The following POTEC variants were observed in gnomAD, a reference collection of about 807,000 sequenced individuals.
POTEC encodes the protein ANKRD26-like family B member 2.
A neutral mutation model predicts 62.0 loss-of-function variants in POTEC; 35 were observed. That is an observed-to-expected ratio of 0.56 (90% confidence interval 0.43 to 0.75). The LOEUF is 0.75. POTEC is among the 30% of genes least tolerant of loss of function. POTEC has a pLI of 0.00. For synonymous variants in POTEC, 156 were observed against 221.5 expected, an observed-to-expected ratio of 0.70 and a Z score of 2.62; for missense variants, 472 against 655.9, an observed-to-expected ratio of 0.72 and a Z score of 3.06.
chr18:14,537,206 CACACA>C (rs1163697331), intron 3 of POTEC, among the ~76,000 whole-genome samples: 20 of 76,864 alleles, frequency 2.6e-4, no homozygotes, highest in African/African-American at 1.5e-3. Flanking sequence ...CACACACACA[CACACA>C]AAAAAAAAAA....
chr18:14,515,014 T>C (rs1416104168), intron 9 of POTEC, among the ~76,000 whole-genome samples: 4 of 152,150 alleles, frequency 2.6e-5, no homozygotes, highest in African/African-American at 9.7e-5. Flanking sequence ...GAGTCATCTA[T>C]CAAAGGATAA....
rs1248079321 is a variant in POTEC at position 14,509,255 on chromosome 18, G to T, written c.*2643C>A. ...TGTGTGTGCTGTTGCACTGGAGGTA[G>T]TGCTGGTTTGGGGTGGGTGGCTGGC... On this transcript the variant is annotated 3_prime_UTR_variant, in exon 11 of 11. Transcript: ENST00000358970. 1 of 152,400 alleles carries T rather than the reference G, an allele frequency of 6.6e-6. No homozygotes were observed. The highest frequency in any genetic ancestry group is 2.4e-5 in the African/African-American group (1 of 41,476). 9.4% of individuals were successfully genotyped at this position (152,400 alleles called of 1,614,324 possible). A position where few individuals can be genotyped will look rare whatever the true frequency, so the allele number is the denominator to read the frequency against.
At chr18:14,515,212 A>G (rs1269949418) in intron 9 of POTEC, among the ~76,000 whole-genome samples, 3 of 152,230 alleles carry the variant, frequency 2.0e-5, no homozygotes, top group Non-Finnish European at 4.4e-5. Flanking sequence ...GCTGCCATTC[A>G]TGTAGAACCA....
chr18:14,540,540 G>A (rs1291043844), intron 1 of POTEC, among the ~76,000 whole-genome samples: 3 of 152,120 alleles, frequency 2.0e-5, no homozygotes, highest in African/African-American at 4.8e-5. Flanking sequence ...TTTGCATGCC[G>A]ACATATCTCT....
In POTEC at chr18:14,542,613, C is replaced by T. The variant is rs1905977627; in HGVS notation, c.521+13G>A. ...CCCCATGTCCCGCCTCCTCCCATCC[C>T]AGGCCCAGTTACCTCTTTTGCTTGT... On this transcript the variant is annotated intron_variant, in intron 1 of 10. Coordinates refer to ENST00000358970, the MANE Select transcript of POTEC (RefSeq NM_001137671.2). The T allele has an allele frequency of 1.2e-6, 2 of 1,612,114 alleles. No individual in the cohort carries two copies. The highest frequency in any genetic ancestry group is 2.7e-5 in the African/African-American group (2 of 74,814).
intron 3 of POTEC, among the ~76,000 whole-genome samples, chr18:14,537,168 T>C (rs558840753): frequency 6.2e-4 from 35 of 56,470 alleles, no homozygotes; most frequent in Admixed American, 1.2e-3. Flanking sequence ...TGAACAACAA[T>C]AACAACACAC....
At chr18:14,515,353 C>T (rs949953875) in intron 9 of POTEC, among the ~76,000 whole-genome samples, 24 of 152,108 alleles carry the variant, frequency 1.6e-4, no homozygotes, top group African/African-American at 5.3e-4. Context: ...AAAGTAGATA[C>T]ACAGATCAAT....
In POTEC at chr18:14,511,822, T is replaced by C; in HGVS notation, c.*76A>G. The C allele has an allele frequency of 7.6e-7, 1 of 1,315,476 alleles. No individual in the cohort carries two copies. Among genetic ancestry groups the C allele is most frequent in the South Asian group, 1.2e-5 (1 of 84,358 alleles). 81.5% of individuals were successfully genotyped at this position (1,315,476 alleles called of 1,614,324 possible). ...CAATTGCATAGCCCTTAGAAGTTTA[T>C]CAGTCTTTTCTTTCACACTTTCAAT... On this transcript the variant is annotated 3_prime_UTR_variant, in exon 11 of 11. Coordinates refer to ENST00000358970, the MANE Select transcript of POTEC (RefSeq NM_001137671.2).
At chr18:14,514,530 C>T (rs941362846) in intron 9 of POTEC, among the ~76,000 whole-genome samples, 5 of 152,210 alleles carry the variant, frequency 3.3e-5, no homozygotes, top group African/African-American at 9.7e-5. Context: ...AATTTATAGA[C>T]AACTTAGAAA....
intron 6 of POTEC, among the ~76,000 whole-genome samples, chr18:14,526,075 T>G (rs1055360188): frequency 6.6e-6 from 1 of 151,932 alleles, no homozygotes; most frequent in Admixed American, 6.6e-5. Flanking sequence ...CTAATTTTTG[T>G]ATTTTTAGTA....
In POTEC at chr18:14,515,520, C is replaced by T. The variant is rs575731576; in HGVS notation, c.1410-1735G>A. On this transcript the variant is annotated intron_variant, in intron 9 of 10. Transcript: ENST00000358970. ...ATAGAAGAATAAAATTGGATCTCTACCTCTCACCATGTAAAAAAATTAATT... is the reference window on the plus strand; with the variant it reads ...ATAGAAGAATAAAATTGGATCTCTATCTCTCACCATGTAAAAAAATTAATT... 5.5e-3 allele frequency among the ~76,000 whole-genome samples: 837 copies of T among 152,126 alleles called. 6 individuals are homozygous for T. The highest frequency in any genetic ancestry group is 0.016 in the African/African-American group (652 of 41,462).
At chr18:14,524,138 G>C (rs1456939181) in intron 7 of POTEC, among the ~76,000 whole-genome samples, 4 of 152,092 alleles carry the variant, frequency 2.6e-5, no homozygotes, top group Non-Finnish European at 5.9e-5. Context: ...ATATTCTAAG[G>C]TGTACTAATT....
chr18:14,537,732 C>A, intron 3 of POTEC, 69 bp downstream of exon 3: 1 of 1,567,290 alleles, frequency 6.4e-7, no homozygotes, highest in Non-Finnish European at 8.7e-7. Context: ...GGAAAACTGG[C>A]CCTTACACAG....
intron 9 of POTEC, among the ~76,000 whole-genome samples, chr18:14,515,793 T>C (rs1273362445): frequency 6.6e-6 from 1 of 151,542 alleles, no homozygotes; most frequent in Non-Finnish European, 1.5e-5. Flanking sequence ...AGGATTAATG[T>C]CCATAACCTA....
Position 14,542,763 on chromosome 18 carries a change from G to A in POTEC, c.384C>T (p.Phe128=), listed in dbSNP as rs766543272. 54 of 1,613,530 alleles carry A rather than the reference G, an allele frequency of 3.3e-5. No individual in the cohort carries two copies. Among genetic ancestry groups the A allele is most frequent in the Non-Finnish European group, 4.4e-5 (52 of 1,179,872 alleles). The change falls in exon 1 of 11, where the codon TTC becomes TTT. Residue 128 remains phenylalanine (F), a synonymous_variant. Coordinates refer to ENST00000358970, the MANE Select transcript of POTEC (RefSeq NM_001137671.2). The stretch of plus-strand genomic sequence containing the variant: ...GACGGACGTGGTACCTCGGCTCCAT[G>A]AAGGCGCTGTCGTCGTAGTCTCCCC... The part of the protein sequence containing the change: ...GAWGDYDDSA[F]MEPRYHVRRE...
At chr18:14,528,672 C>A (rs1352948862) in intron 6 of POTEC, among the ~76,000 whole-genome samples, 3 of 151,888 alleles carry the variant, frequency 2.0e-5, no homozygotes, top group Non-Finnish European at 4.4e-5. Context: ...TAGGATATCA[C>A]TGAACAACCA....
chr18:14,516,694 T>A (rs1184782635), intron 9 of POTEC, among the ~76,000 whole-genome samples: 1 of 149,766 alleles, frequency 6.7e-6, no homozygotes, highest in Non-Finnish European at 1.5e-5. Flanking sequence ...TTTTAAAATA[T>A]CAAAATGTCA....
In POTEC at chr18:14,513,672, A is replaced by G. The variant is rs1347859924; in HGVS notation, c.1523T>C (p.Met508Thr). ...GACTAAAGAAAATACCTCAGAATTCATTTTCTTTTCAGCCACTTCTATCTG... is the reference window on the plus strand; with the variant it reads ...GACTAAAGAAAATACCTCAGAATTCGTTTTCTTTTCAGCCACTTCTATCTG... ...QKQIEVAEKK[M>T]NSELSLSHKK... The change falls in exon 10 of 11, where the codon ATG (methionine) becomes ACG (threonine). Residue 508 changes from methionine to threonine, a missense_variant. Around this residue, in one of 5 missense-constraint regions of POTEC, gnomAD observed 67 missense variants for 58.3 expected, o/e 1.15. Coordinates refer to ENST00000358970, the MANE Select transcript of POTEC (RefSeq NM_001137671.2). 1 of 1,611,724 alleles carries G rather than the reference A, an allele frequency of 6.2e-7. No homozygotes were observed. Among genetic ancestry groups the G allele is most frequent in the African/African-American group, 1.3e-5 (1 of 74,928 alleles).
intron 6 of POTEC, among the ~76,000 whole-genome samples, chr18:14,527,330 G>T (rs998807945): frequency 1.3e-5 from 2 of 152,140 alleles, no homozygotes; most frequent in African/African-American, 4.8e-5. Flanking sequence ...CTGTTTGGCT[G>T]CAGGCTGCAA....
Sources: allele counts gnomAD v4.1 joint callset (sites outside exome capture counted in the v4.1 genomes callset), GRCh38; gene constraint gnomAD v4.1.1; regional missense constraint gnomAD v4.1.1; transcripts MANE v1.5; gene names NCBI Gene and HGNC (gene_info 2026-07-23, HGNC 2026-07-21).